Variants in CTCF observed in about 807,000 individuals in gnomAD.
CTCF encodes transcriptional repressor CTCF.
Under a neutral mutation model 72.3 loss-of-function variants are expected in CTCF, and 7 were observed. That is an observed-to-expected ratio of 0.10 (90% CI 0.06 to 0.18). The LOEUF (loss-of-function observed/expected upper bound fraction) is 0.18. CTCF is among the 10% of genes least tolerant of loss of function. The pLI is 1.00. For missense variants in CTCF, 516 were observed against 949.1 expected, an observed-to-expected ratio of 0.54 and a Z score of 6.00; for synonymous variants, 374 against 315.8, an observed-to-expected ratio of 1.18 and a Z score of -1.95.
chr16:67,607,021 A>G (rs950726010), intron 2 of CTCF, among the ~76,000 whole-genome samples: 1 of 151,722 alleles, frequency 6.6e-6, no homozygotes, highest in Admixed American at 6.6e-5. Flanking sequence ...CAGTGGCCCA[A>G]TCTCAGCTCA....
chr16:67,624,069 ATATGTGTGTG>A (rs1303279191), intron 7 of CTCF, among the ~76,000 whole-genome samples: 80 of 91,500 alleles, frequency 8.7e-4, no homozygotes, highest in Admixed American at 2.9e-3. Flanking sequence ...AAAAAATTAT[ATATGTGTGTG>A]TGTGTGTGTG....
At chr16:67,617,066 A>T (rs990600369) in intron 5 of CTCF, among the ~76,000 whole-genome samples, 188 bp downstream of exon 5, 1 of 152,258 alleles carries the variant, frequency 6.6e-6, no homozygotes. Context: ...CTTGTTAAAA[A>T]GAGTCAAGTT....
intron 6 of CTCF, chr16:67,621,023 A>C (rs979544670): frequency 1.4e-5 from 6 of 426,208 alleles, no homozygotes; most frequent in Non-Finnish European, 2.4e-5. Context: ...GTTTTGTTCA[A>C]CTTGAATCTG....
intron 2 of CTCF, among the ~76,000 whole-genome samples, chr16:67,606,892 A>C (rs543113502): frequency 6.6e-6 from 1 of 151,240 alleles, no homozygotes; most frequent in East Asian, 2.0e-4. Context: ...TCAGCCTTCC[A>C]AGTAGCTGGG....
intron 2 of CTCF, among the ~76,000 whole-genome samples, chr16:67,577,209 G>C (rs899429851): frequency 1.3e-5 from 2 of 151,880 alleles, no homozygotes; most frequent in African/African-American, 4.8e-5. Flanking sequence ...ACGAGGTCAG[G>C]AGATCGACAC....
At chr16:67,623,638 A>C (rs1042129553) in intron 7 of CTCF, among the ~76,000 whole-genome samples, 40 of 152,000 alleles carry the variant, frequency 2.6e-4, no homozygotes, top group Non-Finnish European at 2.9e-4. Context: ...ATCTCAAAAA[A>C]AAAAAAGAAT....
At chr16:67,565,192 G>T (rs527300047) in intron 1 of CTCF, among the ~76,000 whole-genome samples, 1 of 151,990 alleles carries the variant, frequency 6.6e-6, no homozygotes, top group East Asian at 2.0e-4. Context: ...AGTAGAGACG[G>T]GTTTTCACGA....
At chr16:67,599,600 G>A (rs945999361) in intron 2 of CTCF, among the ~76,000 whole-genome samples, 1 of 151,486 alleles carries the variant, frequency 6.6e-6, no homozygotes, top group African/African-American at 2.4e-5. Flanking sequence ...TCCTCAGTCT[G>A]GAGGAACCTC....
At chr16:67,627,069 A>C (rs537774432) in intron 8 of CTCF, 1 of 177,176 alleles carries the variant, frequency 5.6e-6, no homozygotes, top group Non-Finnish European at 1.2e-5. Flanking sequence ...CTGTGCTACA[A>C]TTATGGAAGC....
chr16:67,582,829 T>C (rs1000904516), intron 2 of CTCF, among the ~76,000 whole-genome samples: 19 of 152,104 alleles, frequency 1.2e-4, no homozygotes, highest in Admixed American at 1.0e-3. Flanking sequence ...GTGGTAGATA[T>C]TTGCTGGTTT....
At chr16:67,585,055 T>G (rs868296584) in intron 2 of CTCF, among the ~76,000 whole-genome samples, 35 of 152,340 alleles carry the variant, frequency 2.3e-4, no homozygotes, top group Middle Eastern at 3.4e-3. Context: ...GTTTTGTTTT[T>G]TATTTTTTAG....
At chr16:67,628,090 G>A (rs546974466) in intron 8 of CTCF, among the ~76,000 whole-genome samples, 7 of 151,374 alleles carry the variant, frequency 4.6e-5, no homozygotes, top group Non-Finnish European at 7.4e-5. Flanking sequence ...GCGAGACTCC[G>A]TCTCAAAAAA....
intron 7 of CTCF, among the ~76,000 whole-genome samples, chr16:67,625,518 G>A (rs1216018928): frequency 6.6e-6 from 1 of 152,176 alleles, no homozygotes; most frequent in African/African-American, 2.4e-5. Context: ...ACTTCTCAAA[G>A]CATGACCCAT....
At chr16:67,598,781 A>G (rs2051848025) in intron 2 of CTCF, among the ~76,000 whole-genome samples, 2 of 152,278 alleles carry the variant, frequency 1.3e-5, no homozygotes, top group Admixed American at 1.3e-4. Context: ...ATGGTCTGGC[A>G]TAATTCTGGG....
intron 7 of CTCF, among the ~76,000 whole-genome samples, chr16:67,625,344 A>G (rs1181853806): frequency 2.6e-5 from 4 of 152,176 alleles, no homozygotes; most frequent in Admixed American, 6.5e-5. Flanking sequence ...GTTTACAGGC[A>G]TACACCACCA....
At chr16:67,584,524 C>T (rs1231279034) in intron 2 of CTCF, among the ~76,000 whole-genome samples, 4 of 151,502 alleles carry the variant, frequency 2.6e-5, no homozygotes, top group Non-Finnish European at 5.9e-5. Flanking sequence ...GACAGGGTTT[C>T]ACCATCTTGG....
rs2052190760 is a variant in CTCF, at chr16:67,620,829, C to A, written c.1207+12C>A. ...GAGAACCCATTCAGGTAGGACTTCT[C>A]CACTCCTTACTGTATTAATGAGCTT... On this transcript the variant is annotated intron_variant, in intron 6 of 11. Coordinates refer to ENST00000264010, the MANE Select transcript of CTCF (RefSeq NM_006565.4). 2.5e-6 allele frequency: 4 copies of A among 1,571,336 alleles called. No homozygotes were observed. Among genetic ancestry groups the A allele is most frequent in the Non-Finnish European group, 2.6e-6 (3 of 1,149,016 alleles).
chr16:67,623,806 T>G (rs2052236790), intron 7 of CTCF, among the ~76,000 whole-genome samples: 1 of 151,930 alleles, frequency 6.6e-6, no homozygotes, highest in Non-Finnish European at 1.5e-5. Context: ...TCCCAGCACT[T>G]TGGGAGGCTG....
At chr16:67,577,102 T>A (rs886110808) in intron 2 of CTCF, among the ~76,000 whole-genome samples, 3 of 152,074 alleles carry the variant, frequency 2.0e-5, no homozygotes, top group Non-Finnish European at 4.4e-5. Flanking sequence ...CAGTAGGAAG[T>A]AGCACTGAAA....
Sources: gnomAD v4.1 joint callset for allele counts (sites outside exome capture counted in the v4.1 genomes callset) on GRCh38, gnomAD v4.1.1 for gene constraint, MANE v1.5 for transcripts, NCBI Gene and HGNC (gene_info 2026-07-23, HGNC 2026-07-21) for gene names.